DRC7: variants seen among roughly 807,000 people sequenced by gnomAD.
DRC7 encodes dynein regulatory complex subunit 7, also known as coiled-coil domain containing 135.
DRC7 carries 80 observed loss-of-function variants against 104.4 expected under a neutral mutation model. The ratio of observed to expected loss-of-function variants is 0.77; its 90% confidence interval spans 0.64 to 0.92. DRC7 has a LOEUF of 0.92. DRC7 is among the 40% of genes least tolerant of loss of function. The probability of loss-of-function intolerance (pLI) is 0.00; values close to 1 mark genes in which losing one functional copy is unlikely to be tolerated. For missense variants in DRC7, 1,034 were observed against 1,141.1 expected (o/e 0.91, Z 1.35); for synonymous variants, 405 against 447.3 (o/e 0.91, Z 1.19).
intron 4 of DRC7, 122 bp from the exon 5 acceptor site, chr16:57,700,023 G>T (rs900766543): frequency 1.7e-6 from 2 of 1,164,780 alleles, no homozygotes; most frequent in African/African-American, 3.1e-5. Context: ...GGTCATGTGG[G>T]CCTGGCCTCC....
intron 17 of DRC7, 86 bp downstream of exon 17, chr16:57,728,670 A>C: frequency 1.9e-4 from 225 of 1,175,710 alleles, no homozygotes; most frequent in Middle Eastern, 2.9e-4. Flanking sequence ...CCACTACCTC[A>C]CAGGCTTGTG....
intron 1 of DRC7, among the ~76,000 whole-genome samples, chr16:57,695,565 G>C (rs1337100930): frequency 6.6e-6 from 1 of 152,164 alleles, no homozygotes; most frequent in Non-Finnish European, 1.5e-5. Context: ...CATTGTCTCT[G>C]GGACCAAGAG....
At chr16:57,725,879 T>G in intron 13 of DRC7, 189 bp from the exon 14 acceptor site, 1 of 601,526 alleles carries the variant, frequency 1.7e-6, no homozygotes, top group South Asian at 1.9e-5. Flanking sequence ...CATATGGGAG[T>G]GGAGTGGCCT....
At chr16:57,718,618 G>A (rs1264124068) in intron 9 of DRC7, 143 bp downstream of exon 9, 1 of 1,045,424 alleles carries the variant, frequency 9.6e-7, no homozygotes. Flanking sequence ...GAAGGCTTGA[G>A]CAATTCCCTT....
chr16:57,702,194 A>T, intron 6 of DRC7, 64 bp downstream of exon 6: 1 of 1,554,322 alleles, frequency 6.4e-7, no homozygotes, highest in Admixed American at 1.7e-5. Context: ...CTGTCGTGCC[A>T]TCCTTAGAGA....
chr16:57,702,972 C>G (rs1007198465), intron 6 of DRC7, among the ~76,000 whole-genome samples: 15 of 152,000 alleles, frequency 9.9e-5, no homozygotes, highest in African/African-American at 3.6e-4. Flanking sequence ...CAACCTCAAC[C>G]TCCTGGACTC....
chr16:57,720,492 T>G (rs2048891222), intron 9 of DRC7, among the ~76,000 whole-genome samples: 1 of 152,212 alleles, frequency 6.6e-6, no homozygotes, highest in Admixed American at 6.5e-5. Context: ...AGCCCAGCCC[T>G]GCAGGCAGCC....
chr16:57,703,295 A>G (rs1597795262), intron 6 of DRC7, among the ~76,000 whole-genome samples: 1 of 151,920 alleles, frequency 6.6e-6, no homozygotes, highest in Non-Finnish European at 1.5e-5. Flanking sequence ...TAAGGACCAC[A>G]GGCTGCTACA....
In DRC7 at chr16:57,730,938, A is replaced by G. The variant is rs1299743557; in HGVS notation, c.2399A>G (p.Gln800Arg). 6.2e-7 allele frequency: 1 copy of G among 1,613,312 alleles called. No homozygotes were observed. Among genetic ancestry groups the G allele is most frequent in the East Asian group, 2.2e-5 (1 of 44,884 alleles). The change falls in exon 18 of 19, where the codon CAG (glutamine) becomes CGG (arginine). Residue 800 changes from glutamine to arginine, a missense_variant. Coordinates refer to ENST00000360716, the MANE Select transcript of DRC7 (RefSeq NM_001289162.2). ...TCTGCCCTATGACCACAGGAGACCC[A>G]GGAGCTGCAAAAGAAGCAGCAGTGG... ...LIQARFEKET[Q>R]ELQKKQQWYQ...
At position 57,715,405 on chromosome 16, in the gene DRC7, T is replaced by C. The variant is rs554820295; in HGVS notation, c.1078-2942T>C. ...GGGAATGAATAAATAAGTAAATAAG[T>C]GTCAGAGGGGCGACTGCCAGCCCCT... is the stretch of plus-strand genomic sequence containing the variant. On this transcript the variant is annotated intron_variant, in intron 8 of 18. Coordinates refer to ENST00000360716, the MANE Select transcript of DRC7 (RefSeq NM_001289162.2). Among the ~76,000 whole-genome samples the C allele has an allele frequency of 9.5e-4, 145 of 152,182 alleles. 1 individual carries two copies. Among genetic ancestry groups the C allele is most frequent in the Non-Finnish European group, 1.8e-3 (122 of 68,040 alleles).
At chr16:57,714,498 C>T (rs2048820798) in intron 8 of DRC7, among the ~76,000 whole-genome samples, 1 of 152,052 alleles carries the variant, frequency 6.6e-6, no homozygotes. Context: ...TGATGGCATG[C>T]ACCTGTAGTC....
chr16:57,701,731 C>T, intron 5 of DRC7: 1 of 564,320 alleles, frequency 1.8e-6, no homozygotes, highest in Non-Finnish European at 3.2e-6. Flanking sequence ...CTTCAAATGA[C>T]AGGCAAATGT....
chr16:57,722,918 G>A (rs1439864330), intron 11 of DRC7, 77 bp downstream of exon 11: 2 of 1,612,344 alleles, frequency 1.2e-6, no homozygotes, highest in Non-Finnish European at 1.7e-6. Context: ...TGGGGTCATT[G>A]CTGGCCTCTG....
At chr16:57,703,676 C>T (rs1030966923) in intron 6 of DRC7, among the ~76,000 whole-genome samples, 2 of 152,204 alleles carry the variant, frequency 1.3e-5, no homozygotes, top group South Asian at 4.1e-4. Context: ...TCAAAAGCCT[C>T]TGGCTGGGCA....
intron 9 of DRC7, among the ~76,000 whole-genome samples, chr16:57,719,680 T>C (rs2048883101): frequency 6.6e-6 from 1 of 152,154 alleles, no homozygotes; most frequent in African/African-American, 2.4e-5. Flanking sequence ...CAGCTAATTT[T>C]TGTTTTTCAG....
rs1394548850 is a variant in DRC7 at position 57,731,085 on chromosome 16, C to A, written c.2531+15C>A. 28 of 1,613,588 alleles carry A rather than the reference C, an allele frequency of 1.7e-5. No individual in the cohort carries two copies. Among genetic ancestry groups the A allele is most frequent in the Non-Finnish European group, 2.3e-5 (27 of 1,179,924 alleles). ...CGCCTCAATCGGTGAGCAGGCAGGG[C>A]AGGTGGAGAGAACCCACTGGGAGGC... On this transcript the variant is annotated intron_variant, in intron 18 of 18. Coordinates refer to ENST00000360716, the MANE Select transcript of DRC7 (RefSeq NM_001289162.2).
chr16:57,727,452 C>A (rs1395006046), intron 16 of DRC7, 43 bp downstream of exon 16: 2 of 1,458,588 alleles, frequency 1.4e-6, no homozygotes, highest in Non-Finnish European at 9.6e-7. Flanking sequence ...TTTCCTAGAC[C>A]CCCCTGGTCT....
intron 8 of DRC7, among the ~76,000 whole-genome samples, chr16:57,715,140 C>T (rs1279874787): frequency 1.3e-5 from 2 of 151,990 alleles, no homozygotes; most frequent in Non-Finnish European, 2.9e-5. Context: ...CCCCGCCTCC[C>T]GGGTTCAAGT....
chr16:57,714,083 A>T, intron 8 of DRC7: 1 of 200,608 alleles, frequency 5.0e-6, no homozygotes. Context: ...GTTATCATGG[A>T]GATAACTCAA....
Sources: allele counts gnomAD v4.1 joint callset (sites outside exome capture counted in the v4.1 genomes callset), GRCh38; gene constraint gnomAD v4.1.1; transcripts MANE v1.5; gene names NCBI Gene and HGNC (gene_info 2026-07-23, HGNC 2026-07-21).